The following COL11A1 variants were observed in gnomAD, a reference collection of about 807,000 sequenced individuals.
COL11A1 encodes collagen type XI alpha 1 chain.
Under a neutral mutation model 265.2 loss-of-function variants are expected in COL11A1, and 74 were observed. The ratio of observed to expected loss-of-function variants is 0.28; its 90% CI spans 0.23 to 0.34. The LOEUF is 0.34. Among genes scored for constraint, COL11A1 ranks in the 10% least tolerant of loss-of-function variants. The probability of loss-of-function intolerance (pLI) is 1.00; values close to 1 mark genes in which losing one functional copy is unlikely to be tolerated. For synonymous variants in COL11A1, 816 were observed against 727.6 expected (o/e 1.12, Z -1.96); for missense variants, 2,165 against 2,263.6 (o/e 0.96, Z 0.88).
chr1:102,909,956 T>C (rs1036837633), intron 54 of COL11A1, among the ~76,000 whole-genome samples: 1 of 152,034 alleles, frequency 6.6e-6, no homozygotes, highest in Non-Finnish European at 1.5e-5. Flanking sequence ...ATTTTAAAAT[T>C]AGTAAATATG....
At chr1:102,894,012 T>C (rs931519137) in intron 57 of COL11A1, among the ~76,000 whole-genome samples, 13 of 152,156 alleles carry the variant, frequency 8.5e-5, no homozygotes, top group African/African-American at 3.1e-4. Flanking sequence ...GTGATAATAC[T>C]AAATAATCTT....
At chr1:102,894,862 G>A (rs549094392) in intron 57 of COL11A1, among the ~76,000 whole-genome samples, 4 of 151,994 alleles carry the variant, frequency 2.6e-5, no homozygotes, top group African/African-American at 4.8e-5. Flanking sequence ...TGAAACCTCC[G>A]CCTCCCAGGT....
At chr1:103,030,655 T>A (rs566293688) in intron 5 of COL11A1, among the ~76,000 whole-genome samples, 27 of 152,138 alleles carry the variant, frequency 1.8e-4, no homozygotes, top group South Asian at 6.2e-4. Context: ...AAATTTTTTT[T>A]AAAAACCCTC....
At chr1:103,029,227 A>G (rs1333155123) in intron 5 of COL11A1, among the ~76,000 whole-genome samples, 1 of 152,086 alleles carries the variant, frequency 6.6e-6, no homozygotes, top group Non-Finnish European at 1.5e-5. Context: ...CCAAATTAGA[A>G]TAATAAACAT....
chr1:103,064,289 G>A (rs560279108), intron 4 of COL11A1, among the ~76,000 whole-genome samples: 6 of 152,168 alleles, frequency 3.9e-5, no homozygotes, highest in South Asian at 2.1e-4. Flanking sequence ...CCAAAATTTA[G>A]AAGCAACCAA....
chr1:102,916,710 A>C, intron 49 of COL11A1, among the ~76,000 whole-genome samples: 1 of 151,982 alleles, frequency 6.6e-6, no homozygotes, highest in East Asian at 1.9e-4. Flanking sequence ...TACCCACTTA[A>C]TGGTGGAGAC....
At chr1:102,946,266 A>C (rs189834920) in intron 42 of COL11A1, among the ~76,000 whole-genome samples, 2,010 of 150,918 alleles carry the variant, frequency 0.013, 55 homozygotes, top group African/African-American at 0.047. Context: ...AGCATGGCAC[A>C]TGTATACATA....
intron 4 of COL11A1, among the ~76,000 whole-genome samples, chr1:103,060,867 T>C (rs1025076475): frequency 5.3e-5 from 8 of 151,922 alleles, no homozygotes; most frequent in African/African-American, 1.9e-4. Context: ...GGGTAATAAA[T>C]GGAACATAAT....
intron 35 of COL11A1, among the ~76,000 whole-genome samples, chr1:102,977,399 C>A (rs1662599816): frequency 6.6e-6 from 1 of 152,032 alleles, no homozygotes; most frequent in African/African-American, 2.4e-5. Context: ...AACAAAAATT[C>A]CCAAGAGGTA....
intron 4 of COL11A1, among the ~76,000 whole-genome samples, chr1:103,068,011 G>C (rs1010822824): frequency 7.9e-5 from 12 of 151,510 alleles, no homozygotes; most frequent in Non-Finnish European, 1.3e-4. Context: ...ATTCTATCCA[G>C]TATTCAAGAA....
At chr1:102,904,450 G>C (rs908442919) in intron 54 of COL11A1, among the ~76,000 whole-genome samples, 4 of 152,146 alleles carry the variant, frequency 2.6e-5, no homozygotes, top group Non-Finnish European at 5.9e-5. Flanking sequence ...CTACAGAATG[G>C]GAGAAAATTT....
chr1:102,974,791 A>G, intron 36 of COL11A1, 39 bp downstream of exon 36: 1 of 1,520,512 alleles, frequency 6.6e-7, no homozygotes, highest in South Asian at 1.1e-5. Flanking sequence ...ATGTAAAAAT[A>G]TCAAATGAAG....
intron 31 of COL11A1, among the ~76,000 whole-genome samples, chr1:102,980,064 A>G (rs1200788836): frequency 2.0e-5 from 3 of 152,152 alleles, no homozygotes; most frequent in Non-Finnish European, 4.4e-5. Flanking sequence ...GATTTATGTT[A>G]GTTATGCATC....
chr1:103,002,974 A>T lies in COL11A1; in HGVS notation c.1999-183T>A, dbSNP rs535905640. Among the ~76,000 whole-genome samples the T allele has an allele frequency of 3.3e-5, 5 of 152,314 alleles. No homozygotes were observed. The East Asian group carries it at 9.6e-4, about 29-fold the overall frequency. ...TCTTTTCCATGTCCACATTGGAGAC[A>T]ATCTAGCAACATTTTCCTCTGCATG... On this transcript the variant is annotated intron_variant, in intron 21 of 66. Coordinates refer to ENST00000370096, the MANE Select transcript of COL11A1 (RefSeq NM_001854.4).
intron 4 of COL11A1, among the ~76,000 whole-genome samples, chr1:103,068,115 A>G (rs544398857): frequency 6.6e-6 from 1 of 151,816 alleles, no homozygotes; most frequent in African/African-American, 2.4e-5. Context: ...TAACCCTATC[A>G]AAACCTGACA....
At chr1:103,008,588 C>T in intron 14 of COL11A1, 72 bp from the exon 15 acceptor site, 1 of 1,170,548 alleles carries the variant, frequency 8.5e-7, no homozygotes. Context: ...GCCAATTGCA[C>T]CTGAAATAAT....
chr1:102,934,565 G>A lies in COL11A1; in HGVS notation c.3493-9C>T, dbSNP rs770409798. ...GGTTCACCATCACCTCCCTAGAGAA[G>A]AGAAAGAAACATTATCACAAACTGG... On this transcript the variant is annotated splice_polypyrimidine_tract_variant and intron_variant, in intron 45 of 66. Transcript: ENST00000370096. The A allele has an allele frequency of 6.2e-7, 1 of 1,601,182 alleles. No homozygotes were observed. Among genetic ancestry groups the A allele is most frequent in the Non-Finnish European group, 8.6e-7 (1 of 1,168,214 alleles).
Position 103,108,196 on chromosome 1 carries a change from A to G in COL11A1, c.-18T>C, listed in dbSNP as rs777168577. The G allele has an allele frequency of 3.1e-6, 5 of 1,605,060 alleles. No homozygotes were observed. The African/African-American group carries it at 5.4e-5, about 17-fold the overall frequency. The stretch of plus-strand genomic sequence containing the variant: ...GGCTCCATCTCCGAGCCCCGCACTC[A>G]CAACTGTGAACTCAACCCACGAAAT... On this transcript the variant is annotated 5_prime_UTR_variant, in exon 1 of 67. Coordinates refer to ENST00000370096, the MANE Select transcript of COL11A1 (RefSeq NM_001854.4).
At chr1:102,967,288 T>G (rs1661518893) in intron 37 of COL11A1, among the ~76,000 whole-genome samples, 1 of 116,686 alleles carries the variant, frequency 8.6e-6, no homozygotes, top group Admixed American at 1.3e-4. Context: ...TCGCCCAGGC[T>G]GGAGTGCAGT....
Sources: gnomAD v4.1 joint callset for allele counts (sites outside exome capture counted in the v4.1 genomes callset) on GRCh38, gnomAD v4.1.1 for gene constraint, MANE v1.5 for transcripts, NCBI Gene and HGNC (gene_info 2026-07-23, HGNC 2026-07-21) for gene names.